The following LRRC4C variants were observed in gnomAD, a reference collection of about 807,000 sequenced individuals.
LRRC4C encodes leucine rich repeat containing 4C.
Under a neutral mutation model 33.6 loss-of-function variants are expected in LRRC4C, and 5 were observed. The observed-to-expected ratio is 0.15, with a 90% CI of 0.08 to 0.31. LRRC4C has a LOEUF of 0.31. Among genes scored for constraint, LRRC4C ranks in the 10% least tolerant of loss-of-function variants. The pLI, the probability that LRRC4C is intolerant of heterozygous loss-of-function variation, is 1.00. For synonymous variants in LRRC4C, 329 were observed against 302.0 expected, an observed-to-expected ratio of 1.09 and a Z score of -0.93; for missense variants, 560 against 796.7, an observed-to-expected ratio of 0.70 and a Z score of 3.58.
chr11:41,039,333 C>T lies in LRRC4C; in HGVS notation c.-495-105610G>A, dbSNP rs144963681. On this transcript the variant is annotated intron_variant, in intron 1 of 6. Coordinates refer to ENST00000528697, the MANE Select transcript of LRRC4C (RefSeq NM_001258419.2). ...TTTCCCCACATAAATATCTGCATGA[C>T]CTTTTTTGTGTACAAAGTATTAACA... Among the ~76,000 whole-genome samples, 994 of 152,216 alleles carry T rather than the reference C, an allele frequency of 6.5e-3. 4 individuals carry two copies. Among genetic ancestry groups the T allele is most frequent in the Non-Finnish European group, 0.01 (712 of 68,014 alleles).
intron 3 of LRRC4C, among the ~76,000 whole-genome samples, chr11:40,407,249 C>A (rs919323071): frequency 6.6e-6 from 1 of 152,032 alleles, no homozygotes; most frequent in African/African-American, 2.4e-5. Context: ...GTGGATTTGA[C>A]AAAGCAAAGA....
chr11:41,227,778 A>G (rs953795632), intron 1 of LRRC4C, among the ~76,000 whole-genome samples: 1 of 152,002 alleles, frequency 6.6e-6, no homozygotes, highest in Non-Finnish European at 1.5e-5. Context: ...AGTGAAAGCC[A>G]TTATTCTTTA....
intron 1 of LRRC4C, among the ~76,000 whole-genome samples, chr11:41,267,322 G>T (rs7943563): frequency 0.44 from 67,111 of 151,748 alleles, 16,453 homozygotes; most frequent in African/African-American, 0.64. Context: ...CACTTAGAAG[G>T]GGTAGACTGC....
chr11:40,241,608 G>A lies in LRRC4C; in HGVS notation c.-175-10C>T, dbSNP rs572065248. On this transcript the variant is annotated splice_polypyrimidine_tract_variant and intron_variant, in intron 4 of 6. Coordinates refer to ENST00000528697, the MANE Select transcript of LRRC4C (RefSeq NM_001258419.2). ...CTCTCAGTTTCTTGCTCTGCAAAAT[G>A]AGGTGATTGAAACTAGATGATGTAA... The A allele has an allele frequency of 6.6e-6, 1 of 152,086 alleles. No individual in the cohort carries two copies. Among genetic ancestry groups the A allele is most frequent in the Non-Finnish European group, 1.5e-5 (1 of 68,032 alleles). The allele number at this position is 152,086 out of a possible 1,614,324, so 9.4% of individuals were successfully genotyped here.
chr11:41,359,628 T>C (rs890003482), intron 1 of LRRC4C, among the ~76,000 whole-genome samples: 9 of 152,074 alleles, frequency 5.9e-5, no homozygotes, highest in Non-Finnish European at 8.8e-5. Flanking sequence ...GTAATGCAAA[T>C]GAGGAAACAG....
chr11:40,412,234 A>G (rs889626090), intron 3 of LRRC4C, among the ~76,000 whole-genome samples: 1 of 152,110 alleles, frequency 6.6e-6, no homozygotes, highest in Non-Finnish European at 1.5e-5. Flanking sequence ...ACAATGGTAC[A>G]TAATAAGCTT....
intron 3 of LRRC4C, among the ~76,000 whole-genome samples, chr11:40,562,287 T>C (rs907591393): frequency 6.6e-6 from 1 of 152,236 alleles, no homozygotes; most frequent in South Asian, 2.1e-4. Flanking sequence ...ATAAAATGTA[T>C]TTATAGTGTT....
At chr11:41,304,070 A>C (rs1950382292) in intron 1 of LRRC4C, among the ~76,000 whole-genome samples, 1 of 56,190 alleles carries the variant, frequency 1.8e-5, no homozygotes, top group South Asian at 8.2e-4. Flanking sequence ...CCGCCCAGCC[A>C]GCCACCCCGT....
rs546806380 is a variant in LRRC4C at position 40,337,571 on chromosome 11, T to C, written c.-269-17850A>G. Among the ~76,000 whole-genome samples the C allele has an allele frequency of 2.0e-5, 3 of 152,308 alleles. No individual in the cohort carries two copies. The South Asian group carries it at 6.2e-4, about 32-fold the overall frequency. On this transcript the variant is annotated intron_variant, in intron 3 of 6. Transcript: ENST00000528697. ...ATAATCTGCAAGCATTGTTTTATGA[T>C]ACATGGACAAAAGTTTTAAATAAAG... is the stretch of plus-strand genomic sequence containing the variant.
At chr11:40,883,295 C>A (rs563716408) in intron 2 of LRRC4C, among the ~76,000 whole-genome samples, 2 of 151,984 alleles carry the variant, frequency 1.3e-5, no homozygotes. Flanking sequence ...TGCCTGCCCC[C>A]CTATAGTCAA....
At chr11:40,172,810 T>C (rs563092430) in intron 5 of LRRC4C, among the ~76,000 whole-genome samples, 1 of 152,288 alleles carries the variant, frequency 6.6e-6, no homozygotes, top group East Asian at 1.9e-4. Flanking sequence ...CAAAAAGATG[T>C]ATTAAAGCCT....
At chr11:40,333,457 C>T (rs985415243) in intron 3 of LRRC4C, among the ~76,000 whole-genome samples, 9 of 152,004 alleles carry the variant, frequency 5.9e-5, no homozygotes, top group East Asian at 5.8e-4. Flanking sequence ...TGGCTCACAC[C>T]TGTAATCCTA....
intron 2 of LRRC4C, among the ~76,000 whole-genome samples, chr11:40,904,272 C>T (rs917596538): frequency 6.6e-6 from 1 of 152,164 alleles, no homozygotes; most frequent in Non-Finnish European, 1.5e-5. Context: ...ACACAGAACC[C>T]AGAGAAGTCG....
chr11:40,117,590 TATA>T (rs1855524441), intron 6 of LRRC4C, among the ~76,000 whole-genome samples: 1 of 152,058 alleles, frequency 6.6e-6, no homozygotes, highest in African/African-American at 2.4e-5. Flanking sequence ...TGTTTCCAAG[TATA>T]CACCACACTC....
chr11:40,593,714 G>C (rs1959161970), intron 3 of LRRC4C, among the ~76,000 whole-genome samples: 1 of 152,132 alleles, frequency 6.6e-6, no homozygotes, highest in African/African-American at 2.4e-5. Flanking sequence ...TTTCAAGATA[G>C]AAGACTAAAA....
At chr11:40,255,612 G>A (rs1468430468) in intron 4 of LRRC4C, among the ~76,000 whole-genome samples, 1 of 152,154 alleles carries the variant, frequency 6.6e-6, no homozygotes, top group Non-Finnish European at 1.5e-5. Context: ...CAATGCATCT[G>A]CTCAGCGGCT....
intron 1 of LRRC4C, among the ~76,000 whole-genome samples, chr11:40,967,194 A>G (rs1851422674): frequency 6.6e-6 from 1 of 151,930 alleles, no homozygotes; most frequent in East Asian, 2.0e-4. Flanking sequence ...GGAGGAAGGG[A>G]GAAAAGAAGG....
At chr11:41,335,438 A>T (rs1217262249) in intron 1 of LRRC4C, among the ~76,000 whole-genome samples, 1 of 152,190 alleles carries the variant, frequency 6.6e-6, no homozygotes, top group Non-Finnish European at 1.5e-5. Flanking sequence ...GATGTCAAAA[A>T]TACTACCTGT....
intron 3 of LRRC4C, among the ~76,000 whole-genome samples, chr11:40,468,265 TC>T (rs1952752618): frequency 6.6e-6 from 1 of 152,170 alleles, no homozygotes; most frequent in South Asian, 2.1e-4. Flanking sequence ...ATTGTCTAAA[TC>T]TGTAATTTTC....
Sources: allele counts gnomAD v4.1 joint callset (sites outside exome capture counted in the v4.1 genomes callset), GRCh38; gene constraint gnomAD v4.1.1; transcripts MANE v1.5; gene names NCBI Gene and HGNC (gene_info 2026-07-23, HGNC 2026-07-21).